POU6F2: variants seen among roughly 807,000 people sequenced by gnomAD.
The protein encoded by POU6F2 is POU domain, class 6, transcription factor 2.
Under a neutral mutation model 71.3 loss-of-function variants are expected in POU6F2, and 31 were observed. The observed-to-expected ratio is 0.43, with a 90% CI of 0.33 to 0.59. The LOEUF (loss-of-function observed/expected upper bound fraction) is 0.59. Among genes scored for constraint, POU6F2 ranks in the 20% least tolerant of loss-of-function variants. The pLI is 0.04. For synonymous variants in POU6F2, 347 were observed against 355.7 expected (o/e 0.98, Z 0.27); for missense variants, 783 against 856.8 (o/e 0.91, Z 1.07).
chr7:39,227,523 AATCTG>A (rs1310691405), intron 4 of POU6F2, among the ~76,000 whole-genome samples: 1 of 150,580 alleles, frequency 6.6e-6, no homozygotes, highest in Non-Finnish European at 1.5e-5. Flanking sequence ...TGATGTAATG[AATCTG>A]AGGTACCTCG....
At chr7:38,988,717 A>AGAAATGT (rs1401482787) in intron 1 of POU6F2, among the ~76,000 whole-genome samples, 1 of 152,120 alleles carries the variant, frequency 6.6e-6, no homozygotes, top group African/African-American at 2.4e-5. Flanking sequence ...CCATTTTAGC[A>AGAAATGT]AGTAGAAAGC....
intron 4 of POU6F2, among the ~76,000 whole-genome samples, chr7:39,308,661 C>T (rs1295742060): frequency 6.6e-6 from 1 of 152,124 alleles, no homozygotes; most frequent in East Asian, 1.9e-4. Context: ...CTCTCTCATA[C>T]CAGGCAGAAG....
intron 4 of POU6F2, among the ~76,000 whole-genome samples, chr7:39,300,223 T>A (rs1784927890): frequency 6.6e-6 from 1 of 152,196 alleles, no homozygotes; most frequent in Admixed American, 6.5e-5. Flanking sequence ...AACTTCTACA[T>A]GGCTAAACTA....
chr7:39,128,574 G>T (rs568559908), intron 2 of POU6F2, among the ~76,000 whole-genome samples: 2 of 152,226 alleles, frequency 1.3e-5, no homozygotes, highest in Non-Finnish European at 2.9e-5. Context: ...TTTTTGGTGT[G>T]TAAATGCAGA....
At chr7:39,030,582 C>G (rs1056265854) in intron 1 of POU6F2, among the ~76,000 whole-genome samples, 2 of 130,930 alleles carry the variant, frequency 1.5e-5, no homozygotes, top group African/African-American at 5.6e-5. Flanking sequence ...GGATGTGTAA[C>G]AGTTTAGCCA....
At chr7:39,344,434 T>G (rs1785988309) in intron 5 of POU6F2, among the ~76,000 whole-genome samples, 1 of 152,228 alleles carries the variant, frequency 6.6e-6, no homozygotes, top group Non-Finnish European at 1.5e-5. Context: ...CCTTCTGGTC[T>G]TCCCATTTGA....
intron 1 of POU6F2, among the ~76,000 whole-genome samples, chr7:39,054,293 T>G (rs1457222713): frequency 6.6e-6 from 1 of 152,046 alleles, no homozygotes; most frequent in Non-Finnish European, 1.5e-5. Context: ...ATCCAGTTCT[T>G]TATAAAAGGT....
At position 39,085,973 on chromosome 7, in the gene POU6F2, G is replaced by A; in HGVS notation, c.219G>A (p.Glu73=). 6.2e-7 allele frequency: 1 copy of A among 1,613,818 alleles called. No homozygotes were observed. Among genetic ancestry groups the A allele is most frequent in the Non-Finnish European group, 8.5e-7 (1 of 1,179,814 alleles). Residue 73 remains glutamate, a synonymous_variant, in exon 2 of 10, where the codon GAG becomes GAA. Transcript: ENST00000518318. The stretch of plus-strand genomic sequence containing the variant: ...CTACTTCAGACAGCGAGCTGAATGA[G>A]CCCCTGCTTGCGCCTGTGGAATCAA... The part of the protein sequence containing the change: ...KAATSDSELN[E]PLLAPVESND...
rs1037185178 is a variant in POU6F2, at chr7:39,465,225, A to G, written c.*539A>G. 1.3e-5 allele frequency: 2 copies of G among 152,620 alleles called. No homozygotes were observed. Among genetic ancestry groups the G allele is most frequent in the African/African-American group, 4.8e-5 (2 of 41,462 alleles). The allele number at this position is 152,620 out of a possible 1,614,324, so 9.5% of individuals were successfully genotyped here. A position where few individuals can be genotyped will look rare whatever the true frequency, so the allele number is the denominator to read the frequency against. On this transcript the variant is annotated 3_prime_UTR_variant, in exon 10 of 10. Coordinates refer to ENST00000518318, the MANE Select transcript of POU6F2 (RefSeq NM_001370959.1). The stretch of plus-strand genomic sequence containing the variant: ...AAACCTATTAACCAAAGTCAGAAAC[A>G]TGGCATTGCAACGCGATCGTTCGTC...
At chr7:38,981,153 G>A (rs1009450191) in intron 1 of POU6F2, among the ~76,000 whole-genome samples, 12 of 152,162 alleles carry the variant, frequency 7.9e-5, no homozygotes, top group Non-Finnish European at 1.6e-4. Flanking sequence ...GTTATTCATG[G>A]GATGATTTTC....
intron 4 of POU6F2, among the ~76,000 whole-genome samples, chr7:39,333,408 AT>A (rs369120335): frequency 1.3e-5 from 2 of 150,266 alleles, no homozygotes; most frequent in East Asian, 1.9e-4. Context: ...TCTTGTTTCA[AT>A]TTTTTTTTTC....
chr7:39,055,071 A>G (rs1249554437), intron 1 of POU6F2, among the ~76,000 whole-genome samples: 13 of 152,118 alleles, frequency 8.5e-5, no homozygotes, highest in Admixed American at 8.5e-4. Flanking sequence ...AAGGGGCAAA[A>G]GCTGCTATCT....
chr7:39,028,387 A>C (rs191220654), intron 1 of POU6F2, among the ~76,000 whole-genome samples: 15 of 152,186 alleles, frequency 9.9e-5, no homozygotes, highest in Admixed American at 7.9e-4. Context: ...TGAAATCTTA[A>C]CCCATTTCAA....
At chr7:39,252,501 GA>G (rs1392397372) in intron 4 of POU6F2, among the ~76,000 whole-genome samples, 2 of 151,864 alleles carry the variant, frequency 1.3e-5, no homozygotes, top group East Asian at 3.9e-4. Flanking sequence ...GCTTGAAATA[GA>G]GACATCTTTG....
At chr7:38,987,797 G>A (rs987680369) in intron 1 of POU6F2, among the ~76,000 whole-genome samples, 3 of 152,074 alleles carry the variant, frequency 2.0e-5, no homozygotes, top group African/African-American at 4.8e-5. Context: ...AGACAGTAAC[G>A]TAGGTGGTAA....
intron 2 of POU6F2, among the ~76,000 whole-genome samples, chr7:39,172,851 G>A (rs941448660): frequency 6.6e-6 from 1 of 151,932 alleles, no homozygotes; most frequent in Admixed American, 6.6e-5. Context: ...GAACTCCTGG[G>A]CTCAAATGAT....
At chr7:39,297,190 T>TCACACAC (rs1554339589) in intron 4 of POU6F2, among the ~76,000 whole-genome samples, 7 of 118,108 alleles carry the variant, frequency 5.9e-5, no homozygotes, top group Admixed American at 8.2e-5. Flanking sequence ...CAAACACACA[T>TCACACAC]ACACATACAC....
intron 1 of POU6F2, among the ~76,000 whole-genome samples, chr7:38,978,738 T>C (rs992216309): frequency 2.0e-5 from 3 of 152,140 alleles, no homozygotes; most frequent in Non-Finnish European, 2.9e-5. Context: ...TCCTTGTATC[T>C]AGGGAGGTGA....
intron 1 of POU6F2, among the ~76,000 whole-genome samples, chr7:39,012,011 C>G (rs1029576050): frequency 1.4e-4 from 21 of 152,070 alleles, no homozygotes; most frequent in Non-Finnish European, 2.6e-4. Flanking sequence ...CTTGGAGTTG[C>G]TCTTCTCGAG....
Sources: gnomAD v4.1 joint callset for allele counts (sites outside exome capture counted in the v4.1 genomes callset) on GRCh38, gnomAD v4.1.1 for gene constraint, MANE v1.5 for transcripts, NCBI Gene and HGNC (gene_info 2026-07-23, HGNC 2026-07-21) for gene names.